The following ZNF354B variants were observed in gnomAD, a reference collection of about 807,000 sequenced individuals.
The protein encoded by ZNF354B is zinc finger protein 354B.
In ZNF354B, 10 loss-of-function variants were observed where a neutral mutation model predicts 12.9. That is an observed-to-expected ratio of 0.77 (90% CI 0.48 to 1.31). The LOEUF (loss-of-function observed/expected upper bound fraction) is 1.31. Ranked by LOEUF, ZNF354B falls within the 40% of genes most tolerant of loss-of-function variation. ZNF354B has a pLI of 0.00. For synonymous variants in ZNF354B, 260 were observed against 243.7 expected, an observed-to-expected ratio of 1.07 and a Z score of -0.62; for missense variants, 614 against 711.7, an observed-to-expected ratio of 0.86 and a Z score of 1.56.
chr5:178,869,818 T>C (rs188600187), intron 4 of ZNF354B, among the ~76,000 whole-genome samples: 2 of 152,156 alleles, frequency 1.3e-5, no homozygotes, highest in Non-Finnish European at 2.9e-5. Flanking sequence ...TTTTGTCAGA[T>C]GGAAGTCAGA....
At chr5:178,880,801 C>T (rs1441215384) in intron 4 of ZNF354B, among the ~76,000 whole-genome samples, 1 of 150,888 alleles carries the variant, frequency 6.6e-6, no homozygotes, top group African/African-American at 2.4e-5. Context: ...CAGCCCATCA[C>T]CCAATTTCAG....
chr5:178,861,437 T>C (rs1757346722), intron 2 of ZNF354B, among the ~76,000 whole-genome samples: 1 of 152,182 alleles, frequency 6.6e-6, no homozygotes, highest in Non-Finnish European at 1.5e-5. Flanking sequence ...TACTTTCTCT[T>C]TTCACCCCTG....
chr5:178,864,338 C>T (rs1305970442), intron 2 of ZNF354B, among the ~76,000 whole-genome samples: 1 of 152,186 alleles, frequency 6.6e-6, no homozygotes. Flanking sequence ...AGTACGGTAA[C>T]ATGCTGTACA....
In ZNF354B at chr5:178,883,895, C is replaced by T; in HGVS notation, c.1443C>T (p.Leu481=). ...AAGCCTTCAGACAGAGTTCCGCTCT[C>T]ATTCAACATCAGAGAATGCATACTG... ...CGKAFRQSSA[L]IQHQRMHTGE... is the part of the protein sequence containing the mutation. Residue 481 remains leucine, a synonymous_variant, in exon 5 of 5, where the codon CTC becomes CTT. Coordinates refer to ENST00000322434, the MANE Select transcript of ZNF354B (RefSeq NM_058230.3). The T allele has an allele frequency of 1.2e-6, 2 of 1,614,128 alleles. No individual in the cohort carries two copies. Among genetic ancestry groups the T allele is most frequent in the Non-Finnish European group, 8.5e-7 (1 of 1,179,978 alleles).
In ZNF354B at chr5:178,884,015, A is replaced by C. The variant is rs772737265; in HGVS notation, c.1563A>C (p.Pro521=). 1.9e-5 allele frequency: 31 copies of C among 1,614,104 alleles called. No homozygotes were observed. The South Asian group carries it at 3.2e-4, about 17-fold the overall frequency. The part of the protein sequence containing the change: ...NHQRIHTGEK[P]YRCLECGMSF... ...AGAGAATTCATACTGGAGAGAAACC[A>C]TATCGATGTTTAGAATGTGGGATGT... is the stretch of plus-strand genomic sequence containing the variant. Residue 521 remains proline (P), a synonymous_variant, in exon 5 of 5, where the codon CCA becomes CCC. Coordinates refer to ENST00000322434, the MANE Select transcript of ZNF354B (RefSeq NM_058230.3).
intron 4 of ZNF354B, among the ~76,000 whole-genome samples, chr5:178,869,918 C>T (rs962768869): frequency 2.0e-5 from 3 of 152,178 alleles, no homozygotes; most frequent in African/African-American, 7.2e-5. Flanking sequence ...CCCAGGACAG[C>T]TTCCTTTTCC....
chr5:178,876,947 C>T (rs1313763209), intron 4 of ZNF354B, among the ~76,000 whole-genome samples: 2 of 136,876 alleles, frequency 1.5e-5, no homozygotes, highest in Non-Finnish European at 3.2e-5. Flanking sequence ...TTTTGTCTTA[C>T]AGTGTTGCAA....
intron 4 of ZNF354B, among the ~76,000 whole-genome samples, chr5:178,875,892 AAGACAG>A (rs1318519132): frequency 6.6e-6 from 1 of 152,014 alleles, no homozygotes; most frequent in Non-Finnish European, 1.5e-5. Context: ...TTCCTCAGGG[AAGACAG>A]AGCCACTACC....
intron 4 of ZNF354B, among the ~76,000 whole-genome samples, chr5:178,878,419 T>G (rs183776844): frequency 1.3e-5 from 2 of 152,184 alleles, no homozygotes; most frequent in South Asian, 2.1e-4. Context: ...TGAAGTTAAT[T>G]CTTATCATTT....
intron 1 of ZNF354B, among the ~76,000 whole-genome samples, chr5:178,860,443 C>A (rs1293196122): frequency 1.3e-5 from 2 of 152,130 alleles, no homozygotes; most frequent in African/African-American, 4.8e-5. Flanking sequence ...GCAGCCGGGC[C>A]CGGTTTCTGA....
intron 4 of ZNF354B, among the ~76,000 whole-genome samples, chr5:178,869,747 A>G (rs758614748): frequency 6.6e-6 from 1 of 151,954 alleles, no homozygotes; most frequent in Non-Finnish European, 1.5e-5. Context: ...TGATTGAGTA[A>G]GAAAGGACGT....
rs56013359 is a variant in ZNF354B at position 178,880,831 on chromosome 5, ATTTTTTTTTTTTTT to A, written c.257-1863_257-1850del. On this transcript the variant is annotated intron_variant, in intron 4 of 4. Coordinates refer to ENST00000322434, the MANE Select transcript of ZNF354B (RefSeq NM_058230.3). ...TTTCAGTAGTTGTCAACTCATGGTC[ATTTTTTTTTTTTTT>A]TTTTTTTTTTTTTTGAGATGGAGTT... Among the ~76,000 whole-genome samples, 29 of 76,184 alleles carry A rather than the reference ATTTTTTTTTTTTTT, an allele frequency of 3.8e-4. 1 individual carries two copies. In the South Asian group the frequency reaches 0.011, roughly 30 times the overall value. 50.0% of individuals were successfully genotyped at this position (76,184 alleles called of 152,430 possible). A position where few individuals can be genotyped will look rare whatever the true frequency, so the allele number is the denominator to read the frequency against.
intron 3 of ZNF354B, 61 bp from the exon 4 acceptor site, chr5:178,866,911 AAGGG>A: frequency 2.0e-6 from 3 of 1,498,828 alleles, no homozygotes; most frequent in Non-Finnish European, 2.8e-6. Context: ...CCTAATAATC[AAGGG>A]ATACTTTGTT....
chr5:178,873,068 G>A (rs10068408), intron 4 of ZNF354B, among the ~76,000 whole-genome samples: 27,385 of 152,128 alleles, frequency 0.18, 2,736 homozygotes, highest in Non-Finnish European at 0.23. Context: ...GCTTACAGGC[G>A]TGAGTCACCA....
chr5:178,870,853 C>T (rs1372227010), intron 4 of ZNF354B, among the ~76,000 whole-genome samples: 1 of 152,046 alleles, frequency 6.6e-6, no homozygotes, highest in Non-Finnish European at 1.5e-5. Context: ...AGATGGAGGT[C>T]TTGCTATGCT....
chr5:178,884,296 C>T lies in ZNF354B; in HGVS notation c.*5C>T. 1 of 1,566,560 alleles carries T rather than the reference C, an allele frequency of 6.4e-7. No individual in the cohort carries two copies. The highest frequency in any genetic ancestry group is 8.6e-7 in the Non-Finnish European group (1 of 1,160,012). On this transcript the variant is annotated 3_prime_UTR_variant, in exon 5 of 5. Transcript: ENST00000322434. ...AAAGCCGATTTGCATGTGTGAAAGC[C>T]TTAAACCAAAACTCATCAGAGAATA... is the stretch of plus-strand genomic sequence containing the variant.
chr5:178,865,763 A>G (rs1757438086), intron 2 of ZNF354B, among the ~76,000 whole-genome samples: 1 of 152,182 alleles, frequency 6.6e-6, no homozygotes, highest in South Asian at 2.1e-4. Context: ...TTTCATCATT[A>G]TTATCCTCAA....
At position 178,871,031 on chromosome 5, in the gene ZNF354B, T is replaced by C. The variant is rs139762364; in HGVS notation, c.256+3960T>C. 3.8e-3 allele frequency among the ~76,000 whole-genome samples: 576 copies of C among 152,250 alleles called. 8 individuals carry two copies. Among genetic ancestry groups the C allele is most frequent in the African/African-American group, 0.012 (516 of 41,528 alleles). ...CCAGCAAAGACTCGTACATATGCCC[T>C]GCCCCTCCCCTCCTACCAACATCTC... On this transcript the variant is annotated intron_variant, in intron 4 of 4. Coordinates refer to ENST00000322434, the MANE Select transcript of ZNF354B (RefSeq NM_058230.3).
At chr5:178,878,315 G>A (rs1186152539) in intron 4 of ZNF354B, among the ~76,000 whole-genome samples, 5 of 152,042 alleles carry the variant, frequency 3.3e-5, no homozygotes, top group Admixed American at 6.6e-5. Context: ...CCCGGGAGGC[G>A]GAGCTTGCAG....
Sources: allele counts gnomAD v4.1 joint callset (sites outside exome capture counted in the v4.1 genomes callset), GRCh38; gene constraint gnomAD v4.1.1; transcripts MANE v1.5; gene names NCBI Gene and HGNC (gene_info 2026-07-23, HGNC 2026-07-21).